The following CTNNA2 variants were observed in gnomAD, a reference collection of about 807,000 sequenced individuals.
The protein encoded by CTNNA2 is catenin alpha-2.
CTNNA2 carries 42 observed loss-of-function variants against 101.0 expected under a neutral mutation model. That is an observed-to-expected ratio of 0.42 (90% CI 0.32 to 0.54). The LOEUF (loss-of-function observed/expected upper bound fraction) is 0.54. Ranked by LOEUF, CTNNA2 falls within the 20% of genes least tolerant of loss-of-function variation. The probability of loss-of-function intolerance (pLI) is 0.14; values close to 1 mark genes in which losing one functional copy is unlikely to be tolerated. For synonymous variants in CTNNA2, 450 were observed against 456.4 expected, an observed-to-expected ratio of 0.99 and a Z score of 0.18; for missense variants, 871 against 1,223.1, an observed-to-expected ratio of 0.71 and a Z score of 4.29.
chr2:80,297,637 C>CA (rs1573628187), intron 7 of CTNNA2, among the ~76,000 whole-genome samples: 2 of 151,886 alleles, frequency 1.3e-5, no homozygotes, highest in African/African-American at 2.4e-5. Flanking sequence ...CCCAGAAAAA[C>CA]AAAAAAATCA....
intron 2 of CTNNA2, among the ~76,000 whole-genome samples, chr2:79,215,113 A>G (rs937502314): frequency 6.6e-6 from 1 of 152,090 alleles, no homozygotes; most frequent in Non-Finnish European, 1.5e-5. Flanking sequence ...GGAAGGAGTC[A>G]GTCAGAGCGC....
rs145192393 is a variant in CTNNA2 at position 79,865,080 on chromosome 2, C to T, written c.466-4736C>T. ...CTAAATTGTTGTGCTTTGTATAACA[C>T]ACTTATACACACATTTGTATAACAC... On this transcript the variant is annotated intron_variant, in intron 4 of 18. Coordinates refer to ENST00000402739, the MANE Select transcript of CTNNA2 (RefSeq NM_001282597.3). Among the ~76,000 whole-genome samples the T allele has an allele frequency of 1.6e-3, 241 of 152,164 alleles. 2 individuals are homozygous for T. The highest frequency in any genetic ancestry group is 5.6e-3 in the African/African-American group (233 of 41,518).
At chr2:80,094,723 T>A (rs1309872994) in intron 7 of CTNNA2, among the ~76,000 whole-genome samples, 2 of 152,200 alleles carry the variant, frequency 1.3e-5, no homozygotes, top group Admixed American at 1.3e-4. Flanking sequence ...GTCCTTCACA[T>A]CCCTTGTAAG....
At chr2:79,413,486 T>A (rs1431008875) in intron 4 of CTNNA2, among the ~76,000 whole-genome samples, 1 of 152,088 alleles carries the variant, frequency 6.6e-6, no homozygotes, top group Non-Finnish European at 1.5e-5. Context: ...TAGGTTGATT[T>A]TGAATATTAG....
At chr2:80,357,245 T>C (rs1011309317) in intron 7 of CTNNA2, among the ~76,000 whole-genome samples, 1 of 151,028 alleles carries the variant, frequency 6.6e-6, no homozygotes, top group African/African-American at 2.5e-5. Context: ...TTTTTGTTTT[T>C]TTTTTGTTTG....
intron 1 of CTNNA2, among the ~76,000 whole-genome samples, chr2:79,555,559 T>C (rs2104089062): frequency 6.6e-6 from 1 of 152,292 alleles, no homozygotes; most frequent in African/African-American, 2.4e-5. Context: ...TAGAATATAT[T>C]ATTTTATTCT....
intron 7 of CTNNA2, among the ~76,000 whole-genome samples, chr2:79,941,963 C>T (rs1262200225): frequency 6.6e-6 from 1 of 152,040 alleles, no homozygotes; most frequent in Non-Finnish European, 1.5e-5. Context: ...CTTAAAGATC[C>T]TACAATCCAA....
chr2:80,222,031 G>T lies in CTNNA2; in HGVS notation c.1057-171180G>T, dbSNP rs185372775. 4.8e-4 allele frequency among the ~76,000 whole-genome samples: 73 copies of T among 152,240 alleles called. No individual in the cohort carries two copies. In the East Asian group the frequency reaches 0.012, roughly 25 times the overall value. On this transcript the variant is annotated intron_variant, in intron 7 of 18. Transcript: ENST00000402739. ...GAAGGCTTTGCCATTCCCCACCACTGCCAAACAGCCAACACTTGACATGTA... is the reference window on the plus strand; with the variant it reads ...GAAGGCTTTGCCATTCCCCACCACTTCCAAACAGCCAACACTTGACATGTA...
chr2:80,193,582 T>A (rs963467633), intron 7 of CTNNA2, among the ~76,000 whole-genome samples: 10 of 152,184 alleles, frequency 6.6e-5, no homozygotes, highest in African/African-American at 2.4e-4. Flanking sequence ...AGATTTTCTG[T>A]CTGTAAATCC....
rs148612293 is a variant in CTNNA2, at chr2:80,293,057, A to C, written c.1057-100154A>C. Among the ~76,000 whole-genome samples the C allele has an allele frequency of 3.2e-3, 494 of 152,352 alleles. 3 individuals are homozygous for C. Among genetic ancestry groups the C allele is most frequent in the African/African-American group, 0.011 (473 of 41,576 alleles). On this transcript the variant is annotated intron_variant, in intron 7 of 18. Transcript: ENST00000402739. ...AAATAAAAATTTAATAAAATAAAAG[A>C]AACACAGTCTCAGTTTCAGGGAAAT... is the stretch of plus-strand genomic sequence containing the variant.
intron 9 of CTNNA2, among the ~76,000 whole-genome samples, chr2:80,436,788 G>A (rs76437210): frequency 0.051 from 7,816 of 152,078 alleles, 590 homozygotes; most frequent in African/African-American, 0.17. Context: ...TTTTATAAGC[G>A]CACCAATCCC....
At position 79,283,004 on chromosome 2, in the gene CTNNA2, G is replaced by T. The variant is rs1225337871; in HGVS notation, c.-405-29705G>T. Among the ~76,000 whole-genome samples the T allele has an allele frequency of 1.1e-4, 10 of 88,020 alleles. 1 individual carries two copies. The highest frequency in any genetic ancestry group is 2.5e-4 in the Admixed American group (2 of 8,040). 57.7% of individuals were successfully genotyped at this position (88,020 alleles called of 152,430 possible). On this transcript the variant is annotated intron_variant, in intron 2 of 21. Coordinates refer to the CTNNA2 transcript ENST00000466387. ...GGTTTTGATTTGCATTTCTCTGATG[G>T]CCAGTGATGATGAGCATTTTTTCAT...
intron 7 of CTNNA2, among the ~76,000 whole-genome samples, chr2:80,066,311 C>T (rs796243511): frequency 5.9e-5 from 9 of 152,170 alleles, no homozygotes; most frequent in African/African-American, 2.2e-4. Context: ...TATTTTCAAA[C>T]CTTAACCTCT....
chr2:79,941,815 C>T (rs1307509063), intron 7 of CTNNA2, among the ~76,000 whole-genome samples: 4 of 151,984 alleles, frequency 2.6e-5, no homozygotes, highest in African/African-American at 4.8e-5. Context: ...GGTGGGGTGT[C>T]ACCATGTTGG....
chr2:79,673,609 C>T (rs1291754485), intron 2 of CTNNA2, among the ~76,000 whole-genome samples: 1 of 152,028 alleles, frequency 6.6e-6, no homozygotes, highest in African/African-American at 2.4e-5. Context: ...CATTTTTTGG[C>T]AGTTTTATGA....
At chr2:79,779,434 C>A (rs1674255486) in intron 3 of CTNNA2, among the ~76,000 whole-genome samples, 1 of 152,164 alleles carries the variant, frequency 6.6e-6, no homozygotes, top group Admixed American at 6.5e-5. Context: ...TGAGGTGAAT[C>A]TACTGCCTGC....
intron 4 of CTNNA2, among the ~76,000 whole-genome samples, chr2:79,378,806 C>G (rs181788759): frequency 1.3e-5 from 2 of 152,140 alleles, no homozygotes; most frequent in Admixed American, 1.3e-4. Flanking sequence ...CTATCAGGAC[C>G]CTTTTTTCTT....
At position 80,584,827 on chromosome 2, in the gene CTNNA2, T is replaced by A. The variant is rs551563507; in HGVS notation, c.2007+3008T>A. ...TTGGTGGTAATGGTGATGATGCTTG[T>A]GGCTTGAGCTAATCATTCATTAGAA... On this transcript the variant is annotated intron_variant, in intron 14 of 18. Transcript: ENST00000402739. Among the ~76,000 whole-genome samples the A allele has an allele frequency of 9.2e-5, 14 of 152,272 alleles. 1 individual carries two copies. In the South Asian group the frequency reaches 2.3e-3, roughly 25 times the overall value.
At chr2:80,012,539 T>C (rs977854928) in intron 7 of CTNNA2, among the ~76,000 whole-genome samples, 2 of 152,202 alleles carry the variant, frequency 1.3e-5, no homozygotes, top group African/African-American at 4.8e-5. Context: ...ATTTTAGGCT[T>C]TCTAAGCCAT....
Sources: allele counts gnomAD v4.1 joint callset (sites outside exome capture counted in the v4.1 genomes callset), GRCh38; gene constraint gnomAD v4.1.1; transcripts MANE v1.5; gene names NCBI Gene and HGNC (gene_info 2026-07-23, HGNC 2026-07-21).